Variants in PSMA1 observed in about 807,000 individuals in gnomAD.
PSMA1 encodes proteasome 20S subunit alpha 1, also known as proteasome subunit alpha type-1.
In PSMA1, 3 loss-of-function variants were observed where a neutral mutation model predicts 38.4. The ratio of observed to expected loss-of-function variants is 0.08; its 90% CI spans 0.04 to 0.20. The LOEUF (loss-of-function observed/expected upper bound fraction) is 0.20. Ranked by LOEUF, PSMA1 falls within the 10% of genes least tolerant of loss-of-function variation. PSMA1 has a pLI of 1.00. For missense variants in PSMA1, 227 were observed against 325.3 expected (o/e 0.70, Z 2.32); for synonymous variants, 101 against 107.1 (o/e 0.94, Z 0.35).
intron 1 of PSMA1, among the ~76,000 whole-genome samples, chr11:14,633,137 C>G (rs1418402175): frequency 6.6e-6 from 1 of 152,096 alleles, no homozygotes; most frequent in African/African-American, 2.4e-5. Context: ...TCTCTCAGCT[C>G]GTCAAAGTCA....
At chr11:14,604,608 T>G (rs772948050) in intron 2 of PSMA1, among the ~76,000 whole-genome samples, 3 of 152,208 alleles carry the variant, frequency 2.0e-5, no homozygotes, top group Non-Finnish European at 4.4e-5. Flanking sequence ...ATGTACAGGT[T>G]TGTACCTGAA....
chr11:14,510,358 C>T (rs1326813115), intron 8 of PSMA1, among the ~76,000 whole-genome samples: 1 of 152,166 alleles, frequency 6.6e-6, no homozygotes, highest in Non-Finnish European at 1.5e-5. Flanking sequence ...ATATCCTCAA[C>T]CACCTATTTT....
At chr11:14,541,912 A>G (rs1245580586) in intron 2 of PSMA1, among the ~76,000 whole-genome samples, 1 of 152,188 alleles carries the variant, frequency 6.6e-6, no homozygotes, top group Non-Finnish European at 1.5e-5. Context: ...TTGCAAATAT[A>G]TTGCCGCTTT....
At chr11:14,613,359 C>A (rs1852732454) in intron 1 of PSMA1, among the ~76,000 whole-genome samples, 1 of 143,632 alleles carries the variant, frequency 7.0e-6, no homozygotes, top group Non-Finnish European at 1.5e-5. Flanking sequence ...TCAAGTGATT[C>A]TCATGTCTCA....
chr11:14,575,359 A>C (rs1470503553), intron 2 of PSMA1, among the ~76,000 whole-genome samples: 1 of 152,104 alleles, frequency 6.6e-6, no homozygotes, highest in East Asian at 1.9e-4. Context: ...TGCTGCATCC[A>C]TTAACTCGTC....
intron 2 of PSMA1, among the ~76,000 whole-genome samples, chr11:14,539,890 C>T (rs772064043): frequency 1.3e-5 from 2 of 151,602 alleles, no homozygotes; most frequent in Admixed American, 6.6e-5. Context: ...ACAGGACCCA[C>T]AGGAGGAAGA....
At chr11:14,602,134 G>T (rs1472632423) in intron 2 of PSMA1, among the ~76,000 whole-genome samples, 2 of 152,088 alleles carry the variant, frequency 1.3e-5, no homozygotes, top group Non-Finnish European at 2.9e-5. Flanking sequence ...CTATTTTTTA[G>T]ATCCCTCCCA....
intron 2 of PSMA1, among the ~76,000 whole-genome samples, chr11:14,589,886 T>C (rs1304633662): frequency 1.3e-5 from 2 of 152,024 alleles, no homozygotes; most frequent in Non-Finnish European, 2.9e-5. Flanking sequence ...GTAAACAAGA[T>C]TGAGCACTGG....
chr11:14,579,840 T>C (rs763617206), intron 2 of PSMA1, among the ~76,000 whole-genome samples: 2 of 152,192 alleles, frequency 1.3e-5, no homozygotes, highest in Non-Finnish European at 2.9e-5. Context: ...GAACATGATA[T>C]ATCCTTCCTA....
chr11:14,512,458 A>G (rs2134145017), intron 7 of PSMA1, among the ~76,000 whole-genome samples: 1 of 152,322 alleles, frequency 6.6e-6, no homozygotes, highest in East Asian at 1.9e-4. Context: ...TCATCAAAGT[A>G]GCAGTACTCC....
At chr11:14,518,023 T>C in intron 2 of PSMA1, 42 bp from the exon 3 acceptor site, 1 of 1,369,430 alleles carries the variant, frequency 7.3e-7, no homozygotes, top group Non-Finnish European at 1.0e-6. Flanking sequence ...TTAGAAGATC[T>C]TTTATAAATT....
chr11:14,513,469 A>T (rs544661459), intron 7 of PSMA1, 101 bp downstream of exon 7: 1 of 1,198,956 alleles, frequency 8.3e-7, no homozygotes, highest in African/African-American at 1.6e-5. Context: ...AATTCTTTCT[A>T]TAAGACTTAC....
At position 14,621,851 on chromosome 11, in the gene PSMA1, C is replaced by T. The variant is rs145537029; in HGVS notation, c.-165-10700G>A. ...AATCTCTCTATCATATCTGATGGTTCTCTGCGGCCTGGAAAAATACAATTG... is the reference window on the plus strand; with the variant it reads ...AATCTCTCTATCATATCTGATGGTTTTCTGCGGCCTGGAAAAATACAATTG... On this transcript the variant is annotated intron_variant, in intron 1 of 10. Coordinates refer to the PSMA1 transcript ENST00000418988. 4.3e-3 allele frequency among the ~76,000 whole-genome samples: 648 copies of T among 152,230 alleles called. 2 individuals carry two copies. Among genetic ancestry groups the T allele is most frequent in the Non-Finnish European group, 6.5e-3 (439 of 68,016 alleles).
intron 2 of PSMA1, among the ~76,000 whole-genome samples, chr11:14,562,358 C>G (rs1343632919): frequency 6.6e-6 from 1 of 152,218 alleles, no homozygotes; most frequent in Non-Finnish European, 1.5e-5. Flanking sequence ...AAGGAGGTCT[C>G]TGTGTCTTGC....
At chr11:14,548,106 C>G (rs1851846944) in intron 2 of PSMA1, among the ~76,000 whole-genome samples, 1 of 152,074 alleles carries the variant, frequency 6.6e-6, no homozygotes, top group Non-Finnish European at 1.5e-5. Flanking sequence ...TTATATAGCT[C>G]TTATGTGTTA....
chr11:14,578,970 A>G (rs1346275536), intron 2 of PSMA1, among the ~76,000 whole-genome samples: 2 of 152,146 alleles, frequency 1.3e-5, no homozygotes, highest in Non-Finnish European at 2.9e-5. Context: ...AATCATCTCA[A>G]CATTCTGTGA....
At position 14,517,655 on chromosome 11, in the gene PSMA1, C is replaced by T; in HGVS notation, c.241G>A (p.Ala81Thr). 1 of 1,590,360 alleles carries T rather than the reference C, an allele frequency of 6.3e-7. No individual in the cohort carries two copies. Among genetic ancestry groups the T allele is most frequent in the Non-Finnish European group, 8.5e-7 (1 of 1,171,458 alleles). Residue 81 changes from alanine (A) to threonine (T), a missense_variant, in exon 4 of 10, where the codon GCT (alanine) becomes ACT (threonine). Physicochemically the swap from Ala to Thr is moderately conservative, Grantham distance 58. Transcript: ENST00000396394. The stretch of plus-strand genomic sequence containing the variant: ...GATTATACTTACCATAACAGTCTAG[C>T]ATCAGCAGTAAGCCCCGCAATTGAG... ...GISIAGLTAD[A>T]RLLCNFMRQE...
Position 14,520,311 on chromosome 11 carries a change from G to GGGCCTGGTTGCGGCCTC in PSMA1, c.-29_-13dup, listed in dbSNP as rs1851507439. On this transcript the variant is annotated 5_prime_UTR_variant, in exon 1 of 10. Coordinates refer to ENST00000396394, the MANE Select transcript of PSMA1 (RefSeq NM_002786.4). ...ATTCAACGTACCATGGTGGCGGCGC[G>GGGCCTGGTTGCGGCCTC]GGCCTGGTTGCGGCCTCCAGCAAAA... 1 of 1,614,082 alleles carries GGGCCTGGTTGCGGCCTC rather than the reference G, an allele frequency of 6.2e-7. No individual in the cohort carries two copies. The highest frequency in any genetic ancestry group is 1.3e-5 in the African/African-American group (1 of 74,938).
At chr11:14,613,499 C>T (rs1852734141) in intron 1 of PSMA1, among the ~76,000 whole-genome samples, 1 of 151,980 alleles carries the variant, frequency 6.6e-6, no homozygotes, top group Non-Finnish European at 1.5e-5. Flanking sequence ...GGTGATCTGC[C>T]CACCTCGGCC....
Sources: gnomAD v4.1 joint callset for allele counts (sites outside exome capture counted in the v4.1 genomes callset) on GRCh38, gnomAD v4.1.1 for gene constraint, MANE v1.5 for transcripts, NCBI Gene and HGNC (gene_info 2026-07-23, HGNC 2026-07-21) for gene names.